TMEM230: variants seen among roughly 807,000 people sequenced by gnomAD.
TMEM230 encodes the protein transmembrane protein 230.
TMEM230 carries 10 observed loss-of-function variants against 15.8 expected under a neutral mutation model. That is an observed-to-expected ratio of 0.63 (90% CI 0.39 to 1.07). The LOEUF (loss-of-function observed/expected upper bound fraction) is 1.07, where lower values mean the gene tolerates loss of function less well. Ranked by LOEUF, TMEM230 falls within the 50% of genes least tolerant of loss-of-function variation. The pLI is 0.01. For synonymous variants in TMEM230, 67 were observed against 76.9 expected (o/e 0.87, Z 0.68); for missense variants, 165 against 193.3 (o/e 0.85, Z 0.87).
Position 5,100,917 on chromosome 20 carries a change from G to A in TMEM230, c.426C>T (p.Ala142=), listed in dbSNP as rs548325058. 6.8e-6 allele frequency: 11 copies of A among 1,614,146 alleles called. No homozygotes were observed. The highest frequency in any genetic ancestry group is 2.7e-5 in the African/African-American group (2 of 75,042). Residue 142 remains alanine (A), a synonymous_variant, in exon 5 of 5, where the codon GCC becomes GCT. Transcript: ENST00000342308. ...GAATGCCAATGATCAGCACTGGAAC[G>A]GCCCGGTCTGCCCCCTGGTGGCAGA...
chr20:5,077,893 A>C (rs2089053149), intron 3 of TMEM230, among the ~76,000 whole-genome samples: 2 of 152,196 alleles, frequency 1.3e-5, no homozygotes, highest in Non-Finnish European at 2.9e-5. Context: ...CTTGTAAGTA[A>C]GATAAATTTG....
At chr20:5,079,998 TAAG>T (rs1229073528) in intron 3 of TMEM230, among the ~76,000 whole-genome samples, 1 of 152,218 alleles carries the variant, frequency 6.6e-6, no homozygotes, top group African/African-American at 2.4e-5. Flanking sequence ...CTGAGATACT[TAAG>T]AAGATTATTT....
chr20:5,108,854 T>C (rs142364818), intron 3 of TMEM230, among the ~76,000 whole-genome samples: 1 of 152,140 alleles, frequency 6.6e-6, no homozygotes, highest in African/African-American at 2.4e-5. Flanking sequence ...CTTTAATAAA[T>C]TGGATCTCAT....
intron 3 of TMEM230, among the ~76,000 whole-genome samples, chr20:5,091,800 G>C (rs1225146528): frequency 1.3e-5 from 2 of 152,130 alleles, no homozygotes. Flanking sequence ...TCAAATTCAA[G>C]GTGACTTGAT....
At chr20:5,099,124 A>C (rs1014563103), downstream of TMEM230, among the ~76,000 whole-genome samples, 2 of 151,936 alleles carry the variant, frequency 1.3e-5, no homozygotes. Flanking sequence ...CCAGGAATTC[A>C]AGGCTGCAGT....
intron 4 of TMEM230, among the ~76,000 whole-genome samples, chr20:5,103,950 C>T (rs1293831718): frequency 6.6e-6 from 1 of 152,012 alleles, no homozygotes; most frequent in Non-Finnish European, 1.5e-5. Context: ...GAGATCACAT[C>T]CGGTTAAAAA....
intron 3 of TMEM230, among the ~76,000 whole-genome samples, chr20:5,076,495 C>T (rs190267591): frequency 2.0e-5 from 3 of 151,192 alleles, no homozygotes; most frequent in Admixed American, 6.6e-5. Context: ...GAGCTGAGAG[C>T]GCGCCACTGC....
intron 2 of TMEM230, 61 bp from the exon 2 acceptor site, chr20:5,109,506 A>T: frequency 1.5e-6 from 2 of 1,314,006 alleles, no homozygotes; most frequent in South Asian, 2.5e-5. Flanking sequence ...CATTATAGCC[A>T]ATGAGTTCAG....
chr20:5,110,921 C>A (rs891597016), intron 2 of TMEM230: 1 of 152,182 alleles, frequency 6.6e-6, no homozygotes, highest in African/African-American at 2.4e-5. Context: ...ATAGCTCACG[C>A]CTGTAATCCC....
intron 3 of TMEM230, among the ~76,000 whole-genome samples, chr20:5,077,593 G>C (rs1253135681): frequency 6.6e-6 from 1 of 151,900 alleles, no homozygotes; most frequent in African/African-American, 2.4e-5. Context: ...CAGCACTTTG[G>C]GGGGCTGAGG....
chr20:5,082,495 G>A (rs1253980173), intron 3 of TMEM230, among the ~76,000 whole-genome samples: 3 of 152,196 alleles, frequency 2.0e-5, no homozygotes, highest in African/African-American at 7.2e-5. Context: ...AGGCTGGAAT[G>A]CAGTGGCACG....
chr20:5,092,474 T>C (rs1016491136), intron 3 of TMEM230, among the ~76,000 whole-genome samples: 3 of 152,096 alleles, frequency 2.0e-5, no homozygotes, highest in African/African-American at 7.2e-5. Context: ...TCCCTGCACT[T>C]TGGGAGGCCG....
In TMEM230 at chr20:5,100,537, T is replaced by A; in HGVS notation, c.*254A>T. The A allele has an allele frequency of 8.2e-7, 1 of 1,219,260 alleles. No individual in the cohort carries two copies. The highest frequency in any genetic ancestry group is 1.0e-6 in the Non-Finnish European group (1 of 974,174). 75.5% of individuals were successfully genotyped at this position (1,219,260 alleles called of 1,614,324 possible). ...CAGGCAACACTTTTCCATTACAGAA[T>A]AACCTCTATTCTTCCATGATACATA... On this transcript the variant is annotated 3_prime_UTR_variant, in exon 5 of 5. Coordinates refer to ENST00000342308, the MANE Select transcript of TMEM230 (RefSeq NM_001009923.2).
chr20:5,109,475 T>A, intron 2 of TMEM230, 30 bp from the exon 2 acceptor site: 1 of 1,535,134 alleles, frequency 6.5e-7, no homozygotes, highest in Non-Finnish European at 9.0e-7. Context: ...AACCCGTTAT[T>A]GTCTGTAGAT....
chr20:5,102,343 A>G (rs1189191095), intron 4 of TMEM230, among the ~76,000 whole-genome samples: 1 of 152,206 alleles, frequency 6.6e-6, no homozygotes, highest in Non-Finnish European at 1.5e-5. Context: ...AAAGTCTCTT[A>G]GCAGAGAGAA....
intron 3 of TMEM230, among the ~76,000 whole-genome samples, chr20:5,108,133 CAA>C (rs1202360298): frequency 6.6e-6 from 1 of 150,642 alleles, no homozygotes; most frequent in Non-Finnish European, 1.5e-5. Flanking sequence ...CAAAACAAAA[CAA>C]GAGGCTGGGC....
chr20:5,065,253 CA>C (rs986106311), downstream of TMEM230, among the ~76,000 whole-genome samples: 141 of 143,042 alleles, frequency 9.9e-4, no homozygotes, highest in African/African-American at 2.6e-3. Flanking sequence ...CCCCATCTCT[CA>C]AAAAAAAAAA....
intron 3 of TMEM230, among the ~76,000 whole-genome samples, chr20:5,092,344 C>T (rs2089533839): frequency 1.3e-5 from 2 of 152,232 alleles, no homozygotes; most frequent in South Asian, 4.1e-4. Flanking sequence ...TTTCACTCCC[C>T]ATTAAATGGG....
At chr20:5,060,100 T>C in the TMEM230 span, among the ~76,000 whole-genome samples, 1 of 152,040 alleles carries the variant, frequency 6.6e-6, no homozygotes, top group Non-Finnish European at 1.5e-5. Context: ...TCTGTAGTGA[T>C]GACTTCTTGC....
Sources: allele counts gnomAD v4.1 joint callset (sites outside exome capture counted in the v4.1 genomes callset), GRCh38; gene constraint gnomAD v4.1.1; transcripts MANE v1.5; gene names NCBI Gene and HGNC (gene_info 2026-07-23, HGNC 2026-07-21).